Variants in ZCCHC10 observed in about 807,000 individuals in gnomAD.
ZCCHC10 encodes the protein zinc finger CCHC-type containing 10, also known as zinc finger CCHC domain-containing protein 10.
Under a neutral mutation model 19.5 loss-of-function variants are expected in ZCCHC10, and 16 were observed. That is an observed-to-expected ratio of 0.82 (90% CI 0.56 to 1.25). The LOEUF (loss-of-function observed/expected upper bound fraction) is 1.25. Among genes scored for constraint, ZCCHC10 ranks in the 50% most tolerant of loss-of-function variants. ZCCHC10 has a pLI of 0.00. For missense variants in ZCCHC10, 197 were observed against 201.0 expected (o/e 0.98, Z 0.12); for synonymous variants, 67 against 72.5 (o/e 0.92, Z 0.38).
chr5:133,014,154 CTTTTTTTTTTT>C (rs767551153), intron 2 of ZCCHC10, among the ~76,000 whole-genome samples: 2 of 113,078 alleles, frequency 1.8e-5, no homozygotes, highest in Non-Finnish European at 3.4e-5. Context: ...ACTATTTACT[CTTTTTTTTTTT>C]TTTTTTTTTT....
Position 133,022,898 on chromosome 5 carries a change from G to C in ZCCHC10, c.50C>G (p.Thr17Arg). ...RLIARRQAFDTELQPVKTFWI... is the reference protein window; with the variant it reads ...RLIARRQAFDRELQPVKTFWI... ...AAAGGTCTTGACAGGCTGCAACTCTGTGTCGAATCTAACAAGATGAAATTT... is the reference window on the plus strand; with the variant it reads ...AAAGGTCTTGACAGGCTGCAACTCTCTGTCGAATCTAACAAGATGAAATTT... Residue 17 changes from threonine (T) to arginine (R), a missense_variant, in exon 2 of 5, where the codon ACA becomes AGA. Coordinates refer to ENST00000509437, the MANE Select transcript of ZCCHC10 (RefSeq NM_001300816.3). The C allele has an allele frequency of 1.7e-6, 1 of 597,344 alleles. No individual in the cohort carries two copies. 37.0% of individuals were successfully genotyped at this position (597,344 alleles called of 1,614,324 possible). A position where few individuals can be genotyped will look rare whatever the true frequency, so the allele number is the denominator to read the frequency against.
At chr5:133,002,110 G>A (rs1362685245) in intron 3 of ZCCHC10, among the ~76,000 whole-genome samples, 5 of 151,306 alleles carry the variant, frequency 3.3e-5, no homozygotes, top group Admixed American at 6.6e-5. Flanking sequence ...ACAGGTGCCC[G>A]CCACTATGTC....
At chr5:133,016,350 T>C (rs770903957) in intron 2 of ZCCHC10, among the ~76,000 whole-genome samples, 2 of 152,252 alleles carry the variant, frequency 1.3e-5, no homozygotes, top group Non-Finnish European at 2.9e-5. Flanking sequence ...TTCACACTGA[T>C]AATTTTAATT....
chr5:133,024,857 C>T (rs758034338), intron 1 of ZCCHC10, among the ~76,000 whole-genome samples: 64 of 151,602 alleles, frequency 4.2e-4, no homozygotes, highest in Non-Finnish European at 6.3e-4. Context: ...GAGCCAAGAT[C>T]GCACCACTGC....
At chr5:133,009,613 CAAAAAAAAAA>C (rs59555378) in intron 2 of ZCCHC10, among the ~76,000 whole-genome samples, 1 of 55,524 alleles carries the variant, frequency 1.8e-5, no homozygotes, top group Non-Finnish European at 3.6e-5. Context: ...GACTCCGTCT[CAAAAAAAAAA>C]AAAAAAAAAA....
At chr5:133,019,761 C>A (rs958929502) in intron 2 of ZCCHC10, among the ~76,000 whole-genome samples, 2 of 151,892 alleles carry the variant, frequency 1.3e-5, no homozygotes, top group Admixed American at 1.3e-4. Context: ...TCAAGACCAG[C>A]CTGGCCAACA....
At chr5:133,018,944 A>G in intron 2 of ZCCHC10, 7 of 348,528 alleles carry the variant, frequency 2.0e-5, no homozygotes, top group South Asian at 2.1e-5. Context: ...GTGGGGGTCC[A>G]TAGTCTTCTT....
rs2059781 is a variant in ZCCHC10, at chr5:133,000,410, G to C, written c.270-237C>G. Among the ~76,000 whole-genome samples the C allele has an allele frequency of 0.31, 47,111 of 151,998 alleles. 8,205 individuals carry two copies. The highest frequency in any genetic ancestry group is 0.48 in the African/African-American group (19,718 of 41,454). On this transcript the variant is annotated intron_variant, in intron 3 of 4. Transcript: ENST00000509437. ...TAAGCAAGACAATGCATCTTAGCAC[G>C]TGTATAAAAGTCAGGTAGGTTAGTA...
intron 4 of ZCCHC10, among the ~76,000 whole-genome samples, chr5:132,999,215 G>T (rs188042679): frequency 6.6e-6 from 1 of 152,006 alleles, no homozygotes; most frequent in Non-Finnish European, 1.5e-5. Context: ...GAGCCACCGC[G>T]CCCAGCCAAA....
intron 2 of ZCCHC10, among the ~76,000 whole-genome samples, chr5:133,014,615 T>C (rs1228095495): frequency 6.6e-6 from 1 of 152,236 alleles, no homozygotes; most frequent in Admixed American, 6.5e-5. Context: ...CTTTTCATGA[T>C]CTTGACACTT....
At chr5:133,005,238 G>C (rs1447608399) in intron 3 of ZCCHC10, among the ~76,000 whole-genome samples, 1 of 152,070 alleles carries the variant, frequency 6.6e-6, no homozygotes, top group Non-Finnish European at 1.5e-5. Context: ...AGAGGTCGAA[G>C]TGAGCTGAGA....
chr5:133,007,449 A>G (rs1398845665), intron 2 of ZCCHC10, among the ~76,000 whole-genome samples: 2 of 151,742 alleles, frequency 1.3e-5, no homozygotes, highest in African/African-American at 4.8e-5. Context: ...AGGCTGAGGC[A>G]GGAGAATGGT....
chr5:132,997,769 G>GT lies in ZCCHC10; in HGVS notation c.*813_*814insA, dbSNP rs1762516726. The GT allele has an allele frequency of 6.6e-6, 1 of 152,072 alleles. No homozygotes were observed. The highest frequency in any genetic ancestry group is 1.5e-5 in the Non-Finnish European group (1 of 67,994). 9.4% of individuals were successfully genotyped at this position (152,072 alleles called of 1,614,324 possible). ...TCCTACCTTTCCCCCTGCTTTGAAT[G>GT]GTACCTTTTATTGCATGTTAATACA... is the stretch of plus-strand genomic sequence containing the variant. On this transcript the variant is annotated 3_prime_UTR_variant, in exon 5 of 5. Transcript: ENST00000509437.
At chr5:133,001,559 TCAAG>T in intron 3 of ZCCHC10, among the ~76,000 whole-genome samples, 1 of 151,964 alleles carries the variant, frequency 6.6e-6, no homozygotes, top group Non-Finnish European at 1.5e-5. Flanking sequence ...CCTCCCAGCC[TCAAG>T]CAATCCTCCC....
intron 2 of ZCCHC10, among the ~76,000 whole-genome samples, chr5:133,012,721 C>A (rs1763635983): frequency 6.6e-6 from 1 of 151,118 alleles, no homozygotes; most frequent in Non-Finnish European, 1.5e-5. Context: ...CCAAGACCAG[C>A]CTGGACAACA....
At position 133,024,200 on chromosome 5, in the gene ZCCHC10, T is replaced by C. The variant is rs866951169; in HGVS notation, c.42-1294A>G. Among the ~76,000 whole-genome samples the C allele has an allele frequency of 1.1e-4, 16 of 152,376 alleles. No homozygotes were observed. In the South Asian group the frequency reaches 1.4e-3, roughly 14 times the overall value. ...GCAGTATTATTCAGATGCTAAGTCT[T>C]ATTTTCACTTCATATTTAAAGTGGA... is the stretch of plus-strand genomic sequence containing the variant. On this transcript the variant is annotated intron_variant, in intron 1 of 4. Transcript: ENST00000509437.
intron 2 of ZCCHC10, among the ~76,000 whole-genome samples, chr5:133,018,639 T>TCCTTGGCCTCGGCCCA (rs1764085883): frequency 6.6e-6 from 1 of 152,142 alleles, no homozygotes; most frequent in Middle Eastern, 3.2e-3. Flanking sequence ...CCTCAGGTGA[T>TCCTTGGCCTCGGCCCA]CCTTGGCCTC....
chr5:133,020,421 G>A (rs980085224), intron 2 of ZCCHC10, among the ~76,000 whole-genome samples: 3 of 151,884 alleles, frequency 2.0e-5, no homozygotes, highest in African/African-American at 7.3e-5. Context: ...TCCAGCCTGG[G>A]CCACAGAGCA....
rs1215679258 is a variant in ZCCHC10, at chr5:133,026,482, C to T, written c.41+15G>A. 4.3e-6 allele frequency: 7 copies of T among 1,613,286 alleles called. No homozygotes were observed. Among genetic ancestry groups the T allele is most frequent in the Non-Finnish European group, 5.9e-6 (7 of 1,179,762 alleles). Reference sequence around the variant, plus strand: ...TCCCAGCCCTCCAGTGGACCCGAACCGGATCCTTACTTACGCTTGTCTCCG... The same window carrying T: ...TCCCAGCCCTCCAGTGGACCCGAACTGGATCCTTACTTACGCTTGTCTCCG... On this transcript the variant is annotated intron_variant, in intron 1 of 4. Transcript: ENST00000509437.
Sources: allele counts gnomAD v4.1 joint callset (sites outside exome capture counted in the v4.1 genomes callset), GRCh38; gene constraint gnomAD v4.1.1; transcripts MANE v1.5; gene names NCBI Gene and HGNC (gene_info 2026-07-23, HGNC 2026-07-21).